The following BCAS3 variants were observed in gnomAD, a reference collection of about 807,000 sequenced individuals.
BCAS3 encodes BCAS4/BCAS3 fusion.
BCAS3 carries 53 observed loss-of-function variants against 116.1 expected under a neutral mutation model. That is an observed-to-expected ratio of 0.46 (90% confidence interval 0.37 to 0.57). The LOEUF (loss-of-function observed/expected upper bound fraction) is 0.57. BCAS3 is among the 20% of genes least tolerant of loss of function. The probability of loss-of-function intolerance (pLI) is 0.00; values close to 1 mark genes in which losing one functional copy is unlikely to be tolerated. For missense variants in BCAS3, 917 were observed against 1,165.4 expected (o/e 0.79, Z 3.10); for synonymous variants, 391 against 408.2 (o/e 0.96, Z 0.51).
In BCAS3 at chr17:61,196,359, G is replaced by A. The variant is rs961945076; in HGVS notation, c.2425+111795G>A. ...AATAGCGCGTAAAGCTGTTTGCATA[G>A]CGTGCTAACTCTATCAGGGTCATTT... On this transcript the variant is annotated intron_variant, in intron 22 of 23. Transcript: ENST00000407086. This position sits in a 1 kb window ranked among gnomAD's most constrained non-coding sequence, Gnocchi z 4.7. Among the ~76,000 whole-genome samples, 3 of 152,216 alleles carry A rather than the reference G, an allele frequency of 2.0e-5. No individual in the cohort carries two copies. Among genetic ancestry groups the A allele is most frequent in the African/African-American group, 4.8e-5 (2 of 41,434 alleles).
chr17:61,184,400 A>G (rs1757843824), intron 22 of BCAS3, among the ~76,000 whole-genome samples: 1 of 152,162 alleles, frequency 6.6e-6, no homozygotes, highest in Admixed American at 6.5e-5. Context: ...TCATTGGGGA[A>G]ATGATACTGT....
intron 15 of BCAS3, among the ~76,000 whole-genome samples, chr17:61,003,597 GC>G (rs2064435575): frequency 6.6e-6 from 1 of 151,760 alleles, no homozygotes; most frequent in Admixed American, 6.6e-5. Context: ...CCCATCTGGA[GC>G]AGTGATTTTC....
chr17:60,920,489 A>G (rs1001536048), intron 12 of BCAS3, among the ~76,000 whole-genome samples: 4 of 152,204 alleles, frequency 2.6e-5, no homozygotes, highest in Non-Finnish European at 5.9e-5. Flanking sequence ...ATATGGAAAA[A>G]TGCTCATCAT....
intron 7 of BCAS3, among the ~76,000 whole-genome samples, chr17:60,817,801 A>G (rs1053424980): frequency 4.6e-5 from 7 of 152,184 alleles, no homozygotes; most frequent in Admixed American, 3.9e-4. Flanking sequence ...ATATGAAAAA[A>G]TTATAATTGA....
chr17:60,942,209 T>G (rs1398125220), intron 13 of BCAS3, among the ~76,000 whole-genome samples: 1 of 152,178 alleles, frequency 6.6e-6, no homozygotes, highest in African/African-American at 2.4e-5. Context: ...GCAGATTGCC[T>G]GAGCTCGGGA....
At chr17:60,728,466 T>G (rs2040132344) in intron 5 of BCAS3, among the ~76,000 whole-genome samples, 1 of 152,106 alleles carries the variant, frequency 6.6e-6, no homozygotes, top group South Asian at 2.1e-4. Flanking sequence ...GACAGATACC[T>G]TTTTATTTTT....
chr17:61,284,836 G>A (rs888214148), intron 22 of BCAS3, among the ~76,000 whole-genome samples: 3 of 152,212 alleles, frequency 2.0e-5, no homozygotes, highest in African/African-American at 7.2e-5. Flanking sequence ...AACAGTAAGT[G>A]AGGAGATTTG....
chr17:61,323,749 G>C lies in BCAS3; in HGVS notation c.2426-44578G>C, dbSNP rs145558876. On this transcript the variant is annotated intron_variant, in intron 22 of 23. Transcript: ENST00000407086. The surrounding 1 kb of genome is among the most constrained non-coding windows in gnomAD (Gnocchi z 4.6). Reference sequence around the variant, plus strand: ...AAGGATTCAGGGACCATTCATCACCGTGGTGCCTAGTCCCCAGGAGGTCAG... The same window carrying C: ...AAGGATTCAGGGACCATTCATCACCCTGGTGCCTAGTCCCCAGGAGGTCAG... Among the ~76,000 whole-genome samples the C allele has an allele frequency of 6.6e-6, 1 of 152,216 alleles. No individual in the cohort carries two copies. Among genetic ancestry groups the C allele is most frequent in the East Asian group, 1.9e-4 (1 of 5,160 alleles).
chr17:61,297,519 A>C (rs1201739126), intron 22 of BCAS3, among the ~76,000 whole-genome samples: 1 of 152,154 alleles, frequency 6.6e-6, no homozygotes, highest in African/African-American at 2.4e-5. Flanking sequence ...TATTTCCAAA[A>C]TTTGACCAGA....
At chr17:60,759,059 T>C (rs567022417) in intron 6 of BCAS3, among the ~76,000 whole-genome samples, 6 of 151,946 alleles carry the variant, frequency 3.9e-5, no homozygotes, top group African/African-American at 1.4e-4. Flanking sequence ...CTGCAACCTC[T>C]GCCTCCCGGG....
rs1033140423 is a variant in BCAS3 at position 60,929,816 on chromosome 17, G to A, written c.1087+5316G>A. Among the ~76,000 whole-genome samples, 7 of 147,410 alleles carry A rather than the reference G, an allele frequency of 4.7e-5. No individual in the cohort carries two copies. The East Asian group carries it at 8.1e-4, about 17-fold the overall frequency. On this transcript the variant is annotated intron_variant, in intron 13 of 23. Coordinates refer to ENST00000407086, the MANE Select transcript of BCAS3 (RefSeq NM_017679.5). ...TTCCCACCTGTGAGTGAGAACATGCGGTGTTTGGTTTTTTGTCCTTGCAAT... is the reference window on the plus strand; with the variant it reads ...TTCCCACCTGTGAGTGAGAACATGCAGTGTTTGGTTTTTTGTCCTTGCAAT...
In BCAS3 at chr17:61,013,590, T is replaced by A. The variant is rs1468001000; in HGVS notation, c.1487-2161T>A. On this transcript the variant is annotated intron_variant, in intron 15 of 23. Coordinates refer to ENST00000407086, the MANE Select transcript of BCAS3 (RefSeq NM_017679.5). The surrounding 1 kb of genome is among the most constrained non-coding windows in gnomAD (Gnocchi z 4.4). Reference sequence around the variant, plus strand: ...TTCTGTGTTGTGGCCTAAATCATCTTGTGTGTATTGTGAATTCTGTCTTTT... The same window carrying A: ...TTCTGTGTTGTGGCCTAAATCATCTAGTGTGTATTGTGAATTCTGTCTTTT... Among the ~76,000 whole-genome samples, 1 of 152,098 alleles carries A rather than the reference T, an allele frequency of 6.6e-6. No individual in the cohort carries two copies. The highest frequency in any genetic ancestry group is 1.5e-5 in the Non-Finnish European group (1 of 67,974).
chr17:60,922,692 C>T (rs112714887), intron 12 of BCAS3, among the ~76,000 whole-genome samples: 1 of 152,150 alleles, frequency 6.6e-6, no homozygotes, highest in African/African-American at 2.4e-5. Flanking sequence ...CATGATAGAA[C>T]AGATGCTTGG....
At position 60,855,360 on chromosome 17, in the gene BCAS3, A is replaced by G. The variant is rs1202695473; in HGVS notation, c.477-13216A>G. 3.3e-5 allele frequency among the ~76,000 whole-genome samples: 5 copies of G among 151,842 alleles called. No individual in the cohort carries two copies. In the East Asian group the frequency reaches 9.6e-4, roughly 29 times the overall value. On this transcript the variant is annotated intron_variant, in intron 7 of 23. Transcript: ENST00000407086. Reference sequence around the variant, plus strand: ...ATAAGAAACTGCTAGACTGTTGTCCAGGCGACTGTTCCATTTTATATTCCC... The same window carrying G: ...ATAAGAAACTGCTAGACTGTTGTCCGGGCGACTGTTCCATTTTATATTCCC...
rs958902999 is a variant in BCAS3 at position 61,347,348 on chromosome 17, C to G, written c.2426-20979C>G. 6.6e-6 allele frequency among the ~76,000 whole-genome samples: 1 copy of G among 152,214 alleles called. No individual in the cohort carries two copies. The highest frequency in any genetic ancestry group is 1.5e-5 in the Non-Finnish European group (1 of 68,036). ...CCACCCACCTCAGCCTCCCAAAGTG[C>G]TGGGATTATAGGCATGAGCCACCGC... On this transcript the variant is annotated intron_variant, in intron 22 of 23. Transcript: ENST00000407086. The surrounding 1 kb of genome is among the most constrained non-coding windows in gnomAD (Gnocchi z 4.3).
chr17:60,901,895 A>T (rs1190657335), intron 10 of BCAS3, among the ~76,000 whole-genome samples: 1 of 152,218 alleles, frequency 6.6e-6, no homozygotes, highest in East Asian at 1.9e-4. Flanking sequence ...CTGGCTAATG[A>T]CATTTTTTGC....
chr17:61,359,450 T>G (rs1390193208), intron 22 of BCAS3, among the ~76,000 whole-genome samples: 2 of 142,070 alleles, frequency 1.4e-5, no homozygotes, highest in African/African-American at 2.6e-5. Flanking sequence ...AAGGAAACAA[T>G]AGAAAAAAAA....
At chr17:61,206,544 A>G (rs1316798083) in intron 22 of BCAS3, among the ~76,000 whole-genome samples, 1 of 152,090 alleles carries the variant, frequency 6.6e-6, no homozygotes, top group Non-Finnish European at 1.5e-5. Flanking sequence ...TCACACCTGT[A>G]ATCCCAGCAC....
chr17:61,007,794 T>G lies in BCAS3; in HGVS notation c.1487-7957T>G, dbSNP rs1339827534. 1.3e-5 allele frequency among the ~76,000 whole-genome samples: 2 copies of G among 152,028 alleles called. No homozygotes were observed. Among genetic ancestry groups the G allele is most frequent in the Non-Finnish European group, 2.9e-5 (2 of 67,974 alleles). On this transcript the variant is annotated intron_variant, in intron 15 of 23. Coordinates refer to ENST00000407086, the MANE Select transcript of BCAS3 (RefSeq NM_017679.5). The surrounding 1 kb of genome is among the most constrained non-coding windows in gnomAD (Gnocchi z 4.3). ...AATCTTCCTACCTTCTCACCCTTTC[T>G]CAAAGTACCTACAGTAATGTCTATG... is the stretch of plus-strand genomic sequence containing the variant.
Sources: gnomAD v4.1 joint callset for allele counts (sites outside exome capture counted in the v4.1 genomes callset) on GRCh38, gnomAD v4.1.1 for gene constraint, Gnocchi (gnomAD v3.1) non-coding constraint, MANE v1.5 for transcripts, NCBI Gene and HGNC (gene_info 2026-07-23, HGNC 2026-07-21) for gene names.